SFMBT1: variants seen among roughly 807,000 people sequenced by gnomAD.
SFMBT1 encodes the protein scm-like with four MBT domains protein 1.
Under a neutral mutation model 108.7 loss-of-function variants are expected in SFMBT1, and 32 were observed. That is an observed-to-expected ratio of 0.29 (90% CI 0.22 to 0.40). The LOEUF (loss-of-function observed/expected upper bound fraction) is 0.40. Among genes scored for constraint, SFMBT1 ranks in the 10% least tolerant of loss-of-function variants. The pLI, the probability that SFMBT1 is intolerant of heterozygous loss-of-function variation, is 1.00. For synonymous variants in SFMBT1, 348 were observed against 369.5 expected (o/e 0.94, Z 0.67); for missense variants, 816 against 1,059.6 (o/e 0.77, Z 3.19).
chr3:53,030,851 AGTTTTAC>A (rs750715109), intron 1 of SFMBT1, among the ~76,000 whole-genome samples: 70 of 152,196 alleles, frequency 4.6e-4, no homozygotes, highest in Non-Finnish European at 7.9e-4. Context: ...ATGAGTCAAC[AGTTTTAC>A]ATAAGATTAT....
At chr3:52,990,327 T>C (rs1329212399) in intron 1 of SFMBT1, among the ~76,000 whole-genome samples, 1 of 152,150 alleles carries the variant, frequency 6.6e-6, no homozygotes, top group Non-Finnish European at 1.5e-5. Context: ...TCCTCCAAAA[T>C]GGTATTTTGA....
chr3:53,041,691 T>C (rs1479370570), intron 1 of SFMBT1, among the ~76,000 whole-genome samples: 1 of 78,536 alleles, frequency 1.3e-5, no homozygotes, highest in African/African-American at 5.3e-5. Context: ...AGAGTAAAAG[T>C]CTGTCTCAAA....
chr3:53,031,470 G>A (rs555030464), intron 1 of SFMBT1, among the ~76,000 whole-genome samples: 4 of 152,266 alleles, frequency 2.6e-5, no homozygotes, highest in Non-Finnish European at 4.4e-5. Context: ...AAATGAAGAT[G>A]AGGAAAGGCA....
chr3:52,973,364 C>A (rs1704413705), intron 1 of SFMBT1, among the ~76,000 whole-genome samples: 1 of 151,990 alleles, frequency 6.6e-6, no homozygotes, highest in African/African-American at 2.4e-5. Flanking sequence ...AGAAAATATA[C>A]TGAAGCTTGG....
chr3:53,033,975 C>T (rs1198062519), intron 1 of SFMBT1, among the ~76,000 whole-genome samples: 1 of 145,628 alleles, frequency 6.9e-6, no homozygotes, highest in Admixed American at 7.3e-5. Context: ...GAGGCTGAGG[C>T]AGGAGAACTG....
At chr3:53,012,949 T>A (rs1699004865) in intron 1 of SFMBT1, among the ~76,000 whole-genome samples, 1 of 151,392 alleles carries the variant, frequency 6.6e-6, no homozygotes, top group African/African-American at 2.5e-5. Flanking sequence ...AAAGCTAACA[T>A]CTCTCAAAAC....
At chr3:52,949,055 G>A (rs1196332368) in intron 3 of SFMBT1, among the ~76,000 whole-genome samples, 2 of 151,516 alleles carry the variant, frequency 1.3e-5, no homozygotes, top group Admixed American at 6.6e-5. Flanking sequence ...AAAGTTTCCC[G>A]AGACCGCTTC....
chr3:53,031,347 A>G (rs954652287), intron 1 of SFMBT1, among the ~76,000 whole-genome samples: 3 of 152,200 alleles, frequency 2.0e-5, no homozygotes, highest in African/African-American at 7.2e-5. Context: ...AACTACTGCC[A>G]CAAAAAGTAA....
At chr3:53,042,923 G>A (rs747391271) in intron 1 of SFMBT1, among the ~76,000 whole-genome samples, 6 of 152,204 alleles carry the variant, frequency 3.9e-5, no homozygotes, top group East Asian at 1.9e-4. Flanking sequence ...CTTAGTTGCT[G>A]GTCAGTCAGT....
chr3:52,906,250 C>T lies in SFMBT1; in HGVS notation c.2332-9G>A. 2 of 1,613,916 alleles carry T rather than the reference C, an allele frequency of 1.2e-6. No individual in the cohort carries two copies. Among genetic ancestry groups the T allele is most frequent in the Non-Finnish European group, 1.7e-6 (2 of 1,179,862 alleles). On this transcript the variant is annotated splice_polypyrimidine_tract_variant and intron_variant, in intron 19 of 20. Transcript: ENST00000394752. Reference sequence around the variant, plus strand: ...ACTTCGATCCTTATTTCCTTCATTCCCCACAACACAATCAAACCAAATGGT... The same window carrying T: ...ACTTCGATCCTTATTTCCTTCATTCTCCACAACACAATCAAACCAAATGGT...
chr3:52,908,759 C>T lies in SFMBT1; in HGVS notation c.1907-1026G>A, dbSNP rs576439731. On this transcript the variant is annotated intron_variant, in intron 17 of 20. Transcript: ENST00000394752. ...CTAATTTGTGTATTTTCACTAGAGA[C>T]GGGGTTTCACCATGTTGGTCAGGCT... is the stretch of plus-strand genomic sequence containing the variant. Among the ~76,000 whole-genome samples the T allele has an allele frequency of 8.5e-5, 13 of 152,162 alleles. No homozygotes were observed. The South Asian group carries it at 1.2e-3, about 15-fold the overall frequency.
Position 52,938,919 on chromosome 3 carries a change from T to C in SFMBT1, c.365-4018A>G, listed in dbSNP as rs1575387755. ...TTAGGAAGGGCTCATGGGAACAATA[T>C]TACTTAGTTCTTACCTGTTCGTAAC... On this transcript the variant is annotated intron_variant, in intron 4 of 20. Coordinates refer to ENST00000394752, the MANE Select transcript of SFMBT1 (RefSeq NM_016329.4). Among the ~76,000 whole-genome samples, 6 of 152,354 alleles carry C rather than the reference T, an allele frequency of 3.9e-5. 1 individual carries two copies. In the South Asian group the frequency reaches 1.2e-3, roughly 32 times the overall value.
At chr3:52,931,138 AACTAG>A in intron 6 of SFMBT1, 103 bp from the exon 7 acceptor site, 1 of 1,061,690 alleles carries the variant, frequency 9.4e-7, no homozygotes, top group Non-Finnish European at 1.4e-6. Flanking sequence ...TTTCCACTGG[AACTAG>A]AAAAGGGTTC....
In SFMBT1 at chr3:52,916,678, AAAC is replaced by A. The variant is rs892386307; in HGVS notation, c.1416-467_1416-465del. Among the ~76,000 whole-genome samples the A allele has an allele frequency of 8.6e-4, 131 of 151,550 alleles. 2 individuals carry two copies. The highest frequency in any genetic ancestry group is 3.4e-3 in the Middle Eastern group (1 of 292). ...AGCAGGACTCTGTGTCAAAAAAACC[AAAC>A]AACAACAACAACAACAACAACAACA... On this transcript the variant is annotated intron_variant, in intron 13 of 20. Transcript: ENST00000394752.
At chr3:52,981,164 G>GAA (rs35322172) in intron 1 of SFMBT1, among the ~76,000 whole-genome samples, 5 of 107,452 alleles carry the variant, frequency 4.7e-5, no homozygotes, top group Admixed American at 9.1e-5. Context: ...TTCCATCTCA[G>GAA]AAAAAAAAAA....
rs927195475 is a variant in SFMBT1, at chr3:53,046,021, C to CGCGCTCCGGCGGAGGCGGCGGCG, written c.-359_-337dup. 6.6e-5 allele frequency: 10 copies of CGCGCTCCGGCGGAGGCGGCGGCG among 151,594 alleles called. No individual in the cohort carries two copies. Among genetic ancestry groups the CGCGCTCCGGCGGAGGCGGCGGCG allele is most frequent in the South Asian group, 2.1e-4 (1 of 4,824 alleles). 9.4% of individuals were successfully genotyped at this position (151,594 alleles called of 1,614,324 possible). A position where few individuals can be genotyped will look rare whatever the true frequency, so the allele number is the denominator to read the frequency against. On this transcript the variant is annotated 5_prime_UTR_variant, in exon 1 of 21. An upstream open reading frame in the 5' UTR loses its in-frame stop. Transcript: ENST00000394752. ...GCAGCTCTCCCCGCCCCCCTCCACC[C>CGCGCTCCGGCGGAGGCGGCGGCG]GCGCTCCGGCGGAGGCGGCGGCGGC...
intron 1 of SFMBT1, among the ~76,000 whole-genome samples, chr3:53,006,229 A>T (rs1698734901): frequency 6.6e-6 from 1 of 152,192 alleles, no homozygotes; most frequent in Non-Finnish European, 1.5e-5. Flanking sequence ...AAATGACAGG[A>T]AAGTAAGCAG....
intron 15 of SFMBT1, among the ~76,000 whole-genome samples, 174 bp from the exon 16 acceptor site, chr3:52,912,821 G>A (rs548457320): frequency 3.6e-4 from 55 of 152,232 alleles, no homozygotes; most frequent in Admixed American, 5.9e-4. Flanking sequence ...CCACCCAAAG[G>A]TGCAGATAAG....
intron 10 of SFMBT1, among the ~76,000 whole-genome samples, chr3:52,923,386 T>G (rs61473083): frequency 6.6e-6 from 1 of 151,848 alleles, no homozygotes; most frequent in Non-Finnish European, 1.5e-5. Flanking sequence ...GCCAACATAG[T>G]GAAACCCTGT....
Sources: allele counts gnomAD v4.1 joint callset (sites outside exome capture counted in the v4.1 genomes callset), GRCh38; gene constraint gnomAD v4.1.1; transcripts MANE v1.5; gene names NCBI Gene and HGNC (gene_info 2026-07-23, HGNC 2026-07-21).